The following ADAMTSL1 variants were observed in gnomAD, a reference collection of about 807,000 sequenced individuals.
ADAMTSL1 encodes the protein ADAMTS like 1.
Under a neutral mutation model 201.8 loss-of-function variants are expected in ADAMTSL1, and 126 were observed. That is an observed-to-expected ratio of 0.62 (90% CI 0.54 to 0.72). The LOEUF (loss-of-function observed/expected upper bound fraction) is 0.72. Among genes scored for constraint, ADAMTSL1 ranks in the 30% least tolerant of loss-of-function variants. The probability of loss-of-function intolerance (pLI) is 0.00; values close to 1 mark genes in which losing one functional copy is unlikely to be tolerated. For synonymous variants in ADAMTSL1, 1,121 were observed against 903.4 expected (o/e 1.24, Z -4.32); for missense variants, 2,679 against 2,277.8 (o/e 1.18, Z -3.59).
At chr9:18,564,476 C>A (rs1821752776) in intron 3 of ADAMTSL1, among the ~76,000 whole-genome samples, 1 of 152,160 alleles carries the variant, frequency 6.6e-6, no homozygotes, top group Admixed American at 6.5e-5. Context: ...CCAGCCCCTG[C>A]CTCACTTGTA....
chr9:18,717,858 C>T, intron 14 of ADAMTSL1: 2 of 762,084 alleles, frequency 2.6e-6, no homozygotes, highest in Admixed American at 1.9e-5. Context: ...AAGGGTACCA[C>T]CACAGGAAAG....
chr9:18,604,003 A>C (rs1285848209), intron 4 of ADAMTSL1, among the ~76,000 whole-genome samples: 2 of 152,222 alleles, frequency 1.3e-5, no homozygotes, highest in East Asian at 3.9e-4. Context: ...ACACCTGAAC[A>C]AAGGAAAAGC....
intron 20 of ADAMTSL1, among the ~76,000 whole-genome samples, chr9:18,797,499 G>A (rs1271130688): frequency 6.6e-6 from 1 of 152,142 alleles, no homozygotes; most frequent in Non-Finnish European, 1.5e-5. Context: ...GCAAGCGATG[G>A]ATACCCGGCT....
At chr9:18,259,871 T>C (rs558190138) in intron 2 of ADAMTSL1, among the ~76,000 whole-genome samples, 1 of 152,306 alleles carries the variant, frequency 6.6e-6, no homozygotes, top group East Asian at 1.9e-4. Context: ...AGAACAATTA[T>C]ATAAAGTTCA....
At chr9:18,805,791 C>G (rs1401791689) in intron 20 of ADAMTSL1, among the ~76,000 whole-genome samples, 2 of 152,190 alleles carry the variant, frequency 1.3e-5, no homozygotes, top group African/African-American at 4.8e-5. Context: ...AAAACTCTGT[C>G]AGTCATTAGA....
chr9:18,501,367 C>T (rs751681475), intron 1 of ADAMTSL1, among the ~76,000 whole-genome samples: 1 of 151,740 alleles, frequency 6.6e-6, no homozygotes, highest in Non-Finnish European at 1.5e-5. Context: ...AAAAATTAGC[C>T]GGGCGTGCCG....
intron 2 of ADAMTSL1, among the ~76,000 whole-genome samples, chr9:18,367,416 G>T (rs1366464955): frequency 1.1e-4 from 16 of 151,382 alleles, no homozygotes; most frequent in Admixed American, 1.1e-3. Flanking sequence ...ATAATGGAAA[G>T]AAATGGAATT....
At chr9:18,031,357 G>A (rs544777899) in intron 1 of ADAMTSL1, among the ~76,000 whole-genome samples, 1 of 152,058 alleles carries the variant, frequency 6.6e-6, no homozygotes, top group African/African-American at 2.4e-5. Flanking sequence ...AGCCTTGACT[G>A]TGGTGTGTTG....
chr9:18,777,210 C>T lies in ADAMTSL1; in HGVS notation c.2981C>T (p.Thr994Ile). The T allele has an allele frequency of 6.2e-7, 1 of 1,612,824 alleles. No homozygotes were observed. Residue 994 changes from threonine (T) to isoleucine (I), a missense_variant, in exon 19 of 29, where the codon ACC becomes ATC. By Grantham distance (89) the Thr-to-Ile change is moderately conservative. Coordinates refer to ENST00000380548, the MANE Select transcript of ADAMTSL1 (RefSeq NM_001040272.6). ...GGCGGCCCGAAGGAGGCCCTGCAGACCCACAAACACCAGAACGGGATCTTC... is the reference window on the plus strand; with the variant it reads ...GGCGGCCCGAAGGAGGCCCTGCAGATCCACAAACACCAGAACGGGATCTTC... Reference protein sequence around the residue: ...RKGGPKEALQTHKHQNGIFSN... With the variant: ...RKGGPKEALQIHKHQNGIFSN...
At chr9:17,971,040 C>T (rs1177069188) in intron 1 of ADAMTSL1, among the ~76,000 whole-genome samples, 1 of 152,014 alleles carries the variant, frequency 6.6e-6, no homozygotes, top group African/African-American at 2.4e-5. Flanking sequence ...TATCTGTTTG[C>T]ACACATACAT....
intron 1 of ADAMTSL1, among the ~76,000 whole-genome samples, chr9:17,920,082 G>A (rs935864590): frequency 1.3e-4 from 19 of 151,994 alleles, no homozygotes; most frequent in African/African-American, 3.4e-4. Flanking sequence ...ATGATGTTGA[G>A]GATCTTTTCA....
chr9:18,029,348 A>G (rs1483079509), intron 1 of ADAMTSL1, among the ~76,000 whole-genome samples: 1 of 152,202 alleles, frequency 6.6e-6, no homozygotes, highest in Non-Finnish European at 1.5e-5. Flanking sequence ...AGCCATATGG[A>G]GAAAGCTGAA....
chr9:18,266,665 G>A (rs1207437689), intron 2 of ADAMTSL1, among the ~76,000 whole-genome samples: 1 of 152,112 alleles, frequency 6.6e-6, no homozygotes, highest in Non-Finnish European at 1.5e-5. Flanking sequence ...GAAGGATGGC[G>A]TGGTTCCATG....
At chr9:18,793,255 AGG>A (rs2133830332) in intron 19 of ADAMTSL1, 1 of 152,346 alleles carries the variant, frequency 6.6e-6, no homozygotes, top group East Asian at 1.9e-4. Flanking sequence ...TTCCTCTGAC[AGG>A]AGGTAAGAAT....
chr9:18,898,130 A>G (rs953089920), intron 26 of ADAMTSL1, among the ~76,000 whole-genome samples: 2 of 152,148 alleles, frequency 1.3e-5, no homozygotes, highest in Non-Finnish European at 2.9e-5. Flanking sequence ...CAGAGGTTGC[A>G]GTGAGCTGAG....
At chr9:18,114,772 G>A (rs1175262037) in intron 1 of ADAMTSL1, among the ~76,000 whole-genome samples, 1 of 152,152 alleles carries the variant, frequency 6.6e-6, no homozygotes, top group Admixed American at 6.6e-5. Context: ...AGTGTAAGTG[G>A]AATGACTTTT....
intron 14 of ADAMTSL1, among the ~76,000 whole-genome samples, chr9:18,711,122 T>A (rs965378189): frequency 2.0e-5 from 3 of 152,234 alleles, no homozygotes; most frequent in Non-Finnish European, 2.9e-5. Context: ...GTTACATCAT[T>A]AAAAAATTGT....
At chr9:17,979,666 A>G (rs1818607829) in intron 1 of ADAMTSL1, among the ~76,000 whole-genome samples, 1 of 151,380 alleles carries the variant, frequency 6.6e-6, no homozygotes, top group Non-Finnish European at 1.5e-5. Flanking sequence ...CTTTGGTGGT[A>G]TTTTGTTTTG....
intron 13 of ADAMTSL1, among the ~76,000 whole-genome samples, chr9:18,690,439 TA>T (rs1446235429): frequency 6.6e-6 from 1 of 152,178 alleles, no homozygotes; most frequent in Non-Finnish European, 1.5e-5. Flanking sequence ...CATATAGTGT[TA>T]CTATTTATAT....
Sources: gnomAD v4.1 joint callset for allele counts (sites outside exome capture counted in the v4.1 genomes callset) on GRCh38, gnomAD v4.1.1 for gene constraint, MANE v1.5 for transcripts, NCBI Gene and HGNC (gene_info 2026-07-23, HGNC 2026-07-21) for gene names.